PLB1: variants seen among roughly 807,000 people sequenced by gnomAD.
PLB1 encodes phospholipase B1.
In PLB1, 242 loss-of-function variants were observed where a neutral mutation model predicts 227.4. That is an observed-to-expected ratio of 1.06 (90% confidence interval 0.96 to 1.18). The LOEUF (loss-of-function observed/expected upper bound fraction) is 1.18, where lower values mean the gene tolerates loss of function less well. PLB1 is among the 50% of genes most tolerant of loss of function. The pLI is 0.00. For missense variants in PLB1, 1,858 were observed against 1,816.3 expected (o/e 1.02, Z -0.42); for synonymous variants, 757 against 682.2 (o/e 1.11, Z -1.71).
intron 46 of PLB1, among the ~76,000 whole-genome samples, chr2:28,619,518 GGTTTT>G (rs1434667804): frequency 2.9e-5 from 3 of 102,310 alleles, no homozygotes; most frequent in African/African-American, 8.0e-5. Flanking sequence ...TAAATTTCAA[GGTTTT>G]GTTTTTTTTT....
At chr2:28,533,690 C>G (rs555343155) in intron 9 of PLB1, among the ~76,000 whole-genome samples, 27 of 152,316 alleles carry the variant, frequency 1.8e-4, no homozygotes, top group Admixed American at 1.1e-3. Flanking sequence ...TCAGTTTGTT[C>G]ATGATAGCAT....
At chr2:28,534,823 C>T (rs1264724320) in intron 9 of PLB1, among the ~76,000 whole-genome samples, 1 of 151,762 alleles carries the variant, frequency 6.6e-6, no homozygotes, top group Non-Finnish European at 1.5e-5. Context: ...TACTGCACTC[C>T]AGCCTGGGTG....
chr2:28,628,448 A>C lies in PLB1; in HGVS notation c.3661-115A>C, dbSNP rs555953145. The C allele has an allele frequency of 6.1e-5, 52 of 856,312 alleles. 1 individual carries two copies. The Middle Eastern group carries it at 6.7e-4, about 11-fold the overall frequency. 53.0% of individuals were successfully genotyped at this position (856,312 alleles called of 1,614,324 possible). A position where few individuals can be genotyped will look rare whatever the true frequency, so the allele number is the denominator to read the frequency against. On this transcript the variant is annotated intron_variant, in intron 51 of 57. Transcript: ENST00000327757. ...TTCTCAGTTTGACCAGGACCACCGA[A>C]GCCCCTCTGTACCCACTCAGTCATT... is the stretch of plus-strand genomic sequence containing the variant.
intron 13 of PLB1, among the ~76,000 whole-genome samples, chr2:28,542,202 C>T (rs1672605128): frequency 1.3e-5 from 2 of 152,072 alleles, no homozygotes; most frequent in African/African-American, 4.8e-5. Context: ...GTTCCTGCCC[C>T]CTCTTCCACC....
At chr2:28,591,670 G>C in intron 30 of PLB1, 30 bp from the exon 31 acceptor site, 1 of 1,611,268 alleles carries the variant, frequency 6.2e-7, no homozygotes, top group Non-Finnish European at 8.5e-7. Flanking sequence ...TTTCAACCCT[G>C]AGATTCTGGG....
In PLB1 at chr2:28,630,644, A is replaced by G. The variant is rs1688485820; in HGVS notation, c.3877A>G (p.Lys1293Glu). 6.2e-7 allele frequency: 1 copy of G among 1,613,152 alleles called. No homozygotes were observed. The highest frequency in any genetic ancestry group is 1.3e-5 in the African/African-American group (1 of 75,008). The change falls in exon 54 of 58, where the codon AAA (lysine) becomes GAA (glutamate). Residue 1293 changes from lysine to glutamate, a missense_variant. Coordinates refer to ENST00000327757, the MANE Select transcript of PLB1 (RefSeq NM_153021.5). ...CTCCCTGGAGAAGCAAGAACTGAAGAAAGTGAACTGGAACCTCCAGGTAAG... is the reference window on the plus strand; with the variant it reads ...CTCCCTGGAGAAGCAAGAACTGAAGGAAGTGAACTGGAACCTCCAGGTAAG... ...QSSLEKQELK[K>E]VNWNLQHGIS...
At chr2:28,530,047 C>T (rs763329827) in intron 8 of PLB1, among the ~76,000 whole-genome samples, 7 of 151,940 alleles carry the variant, frequency 4.6e-5, no homozygotes, top group Non-Finnish European at 7.4e-5. Context: ...TTGGTAGAGA[C>T]GGGGTTTTGC....
At chr2:28,505,495 C>G (rs986889371) in intron 1 of PLB1, among the ~76,000 whole-genome samples, 2 of 152,274 alleles carry the variant, frequency 1.3e-5, no homozygotes, top group East Asian at 3.9e-4. Flanking sequence ...TCGAATGGGT[C>G]AGAAGTTCCC....
chr2:28,567,700 C>T (rs1452727913), intron 20 of PLB1, among the ~76,000 whole-genome samples: 3 of 152,070 alleles, frequency 2.0e-5, no homozygotes, highest in Non-Finnish European at 4.4e-5. Flanking sequence ...TCTCGATTTC[C>T]TGACTTCGTG....
Position 28,604,652 on chromosome 2 carries a change from C to T in PLB1, c.2857-3C>T, listed in dbSNP as rs1283907037. ...GCTGAAGACCCTGTGCATGTGTCCCCAGAGCAGCATGCGCGAGCTGGTGGG... is the reference window on the plus strand; with the variant it reads ...GCTGAAGACCCTGTGCATGTGTCCCTAGAGCAGCATGCGCGAGCTGGTGGG... On this transcript the variant is annotated splice_region_variant and splice_polypyrimidine_tract_variant and intron_variant, in intron 40 of 57. Coordinates refer to ENST00000327757, the MANE Select transcript of PLB1 (RefSeq NM_153021.5). 2 of 1,613,714 alleles carry T rather than the reference C, an allele frequency of 1.2e-6. No homozygotes were observed. The highest frequency in any genetic ancestry group is 1.7e-6 in the Non-Finnish European group (2 of 1,179,694).
chr2:28,541,876 T>A, intron 13 of PLB1, 65 bp downstream of exon 13: 1 of 1,335,526 alleles, frequency 7.5e-7, no homozygotes. Context: ...CTCACTCCTG[T>A]AATCCCAGCA....
intron 14 of PLB1, 76 bp downstream of exon 14, chr2:28,543,344 A>G: frequency 6.7e-7 from 1 of 1,502,426 alleles, no homozygotes; most frequent in African/African-American, 1.4e-5. Context: ...CACCGTGCTG[A>G]GGAGGGGCTG....
chr2:28,637,990 C>T (rs6720649), intron 56 of PLB1, among the ~76,000 whole-genome samples: 36,143 of 151,990 alleles, frequency 0.24, 4,614 homozygotes, highest in East Asian at 0.32. Flanking sequence ...CCCCGCCAAG[C>T]TTCTCCATTC....
chr2:28,504,441 A>G (rs2148158872), intron 1 of PLB1, among the ~76,000 whole-genome samples: 1 of 152,280 alleles, frequency 6.6e-6, no homozygotes, highest in Non-Finnish European at 1.5e-5. Flanking sequence ...TCTTATTTTA[A>G]AAAACATAGT....
intron 5 of PLB1, 118 bp downstream of exon 5, chr2:28,525,425 C>A: frequency 8.8e-7 from 1 of 1,140,764 alleles, no homozygotes; most frequent in Non-Finnish European, 1.3e-6. Flanking sequence ...TTGCTCAAGG[C>A]TACCCTCTGA....
chr2:28,643,028 T>G lies in PLB1; in HGVS notation c.4344T>G (p.Asp1448Glu). The G allele has an allele frequency of 6.2e-7, 1 of 1,609,634 alleles. No individual in the cohort carries two copies. The highest frequency in any genetic ancestry group is 8.5e-7 in the Non-Finnish European group (1 of 1,178,404). Residue 1448 changes from aspartate (D) to glutamate (E), a missense_variant, in exon 58 of 58, where the codon GAT becomes GAG. By Grantham distance (45) the Asp-to-Glu change is conservative. Coordinates refer to ENST00000327757, the MANE Select transcript of PLB1 (RefSeq NM_153021.5). ...WRCRRGGRRE[D>E]PPMSLRTVAL Reference sequence around the variant, plus strand: ...GCAGGAGAGGTGGCCGGAGGGAAGATCCTCCAATGAGCCTGCGCACTGTGG... The same window carrying G: ...GCAGGAGAGGTGGCCGGAGGGAAGAGCCTCCAATGAGCCTGCGCACTGTGG...
chr2:28,587,386 C>T (rs1283521094), intron 26 of PLB1, among the ~76,000 whole-genome samples: 2 of 152,078 alleles, frequency 1.3e-5, no homozygotes, highest in Non-Finnish European at 1.5e-5. Context: ...GAGACCAAGG[C>T]GGGAGGATCA....
chr2:28,529,828 C>T, intron 8 of PLB1, 49 bp downstream of exon 8: 1 of 1,576,680 alleles, frequency 6.3e-7, no homozygotes. Flanking sequence ...GGCTTTGCTG[C>T]AAGGCGGGCA....
At chr2:28,519,941 T>G (rs1669295743) in intron 4 of PLB1, among the ~76,000 whole-genome samples, 178 bp downstream of exon 4, 1 of 151,876 alleles carries the variant, frequency 6.6e-6, no homozygotes, top group South Asian at 2.1e-4. Flanking sequence ...ATTTATTTAT[T>G]TATTTTTGAG....
Sources: allele counts gnomAD v4.1 joint callset (sites outside exome capture counted in the v4.1 genomes callset), GRCh38; gene constraint gnomAD v4.1.1; transcripts MANE v1.5; gene names NCBI Gene and HGNC (gene_info 2026-07-23, HGNC 2026-07-21).